Variants in WDR1 observed in about 807,000 individuals in gnomAD.
The protein encoded by WDR1 is WD repeat-containing protein 1.
Under a neutral mutation model 71.9 loss-of-function variants are expected in WDR1, and 21 were observed. The observed-to-expected ratio is 0.29, with a 90% CI of 0.21 to 0.42. WDR1 has a LOEUF of 0.42. Among genes scored for constraint, WDR1 ranks in the 10% least tolerant of loss-of-function variants. WDR1 has a pLI of 1.00. For synonymous variants in WDR1, 424 were observed against 347.4 expected, an observed-to-expected ratio of 1.22 and a Z score of -2.45; for missense variants, 696 against 824.5, an observed-to-expected ratio of 0.84 and a Z score of 1.91.
At chr4:10,113,246 C>T (rs145728227) in intron 2 of WDR1, among the ~76,000 whole-genome samples, 2,481 of 152,194 alleles carry the variant, frequency 0.016, 39 homozygotes, top group Non-Finnish European at 0.026. Context: ...CTGTAGTCCC[C>T]ACTACTCGGG....
At chr4:10,082,074 G>A (rs755264396) in intron 10 of WDR1, among the ~76,000 whole-genome samples, 2 of 152,190 alleles carry the variant, frequency 1.3e-5, no homozygotes, top group African/African-American at 2.4e-5. Flanking sequence ...TCTGGCCCAG[G>A]GAAGACCCTT....
At chr4:10,100,602 A>T (rs758104843) in intron 3 of WDR1, among the ~76,000 whole-genome samples, 10 of 152,182 alleles carry the variant, frequency 6.6e-5, no homozygotes, top group Non-Finnish European at 1.2e-4. Context: ...GACAGGCAAG[A>T]GGTGATGCCA....
chr4:10,099,169 GGAGGC>G, intron 3 of WDR1, 30 bp from the exon 4 acceptor site: 14 of 1,247,278 alleles, frequency 1.1e-5, no homozygotes, highest in South Asian at 1.3e-5. Flanking sequence ...GGGGAGGGGG[GGAGGC>G]GGTGGTGGGG....
intron 12 of WDR1, among the ~76,000 whole-genome samples, chr4:10,078,141 G>A (rs899153978): frequency 1.1e-4 from 16 of 152,324 alleles, no homozygotes; most frequent in African/African-American, 1.9e-4. Flanking sequence ...TCGGGGCACC[G>A]CTGGTCTCAT....
chr4:10,078,605 G>A lies in WDR1; in HGVS notation c.1395+286C>T, dbSNP rs1389950067. 4 of 298,132 alleles carry A rather than the reference G, an allele frequency of 1.3e-5. No individual in the cohort carries two copies. The Admixed American group carries it at 2.1e-4, about 16-fold the overall frequency. 18.5% of individuals were successfully genotyped at this position (298,132 alleles called of 1,614,324 possible). On this transcript the variant is annotated intron_variant, in intron 12 of 14. Transcript: ENST00000499869. ...CTCATGGGGCTGGCTCTGAGGCACA[G>A]CTGTGCCCTCCTCGGCACTCCCTCT...
intron 9 of WDR1, chr4:10,083,766 G>A (rs1200041300): frequency 1.1e-5 from 5 of 445,128 alleles, no homozygotes; most frequent in African/African-American, 6.0e-5. Flanking sequence ...AGACACACCC[G>A]TGAGCAGGGT....
At chr4:10,090,730 G>A (rs575758081) in intron 5 of WDR1, among the ~76,000 whole-genome samples, 5 of 152,298 alleles carry the variant, frequency 3.3e-5, no homozygotes, top group East Asian at 1.9e-4. Flanking sequence ...TCATTGACCC[G>A]TGTTTTAACT....
At chr4:10,084,289 C>A (rs944297516) in intron 9 of WDR1, 154 bp downstream of exon 9, 3 of 651,414 alleles carry the variant, frequency 4.6e-6, no homozygotes, top group African/African-American at 3.6e-5. Context: ...CATGTACAGA[C>A]AGGCCACCCC....
Position 10,074,980 on chromosome 4 carries a change from A to T in WDR1, c.*398T>A. On this transcript the variant is annotated 3_prime_UTR_variant, in exon 15 of 15. Coordinates refer to ENST00000499869, the MANE Select transcript of WDR1 (RefSeq NM_017491.5). ...TCTCACTAGTACAGAAATGTTCTGC[A>T]GGCAGGAACATGAGCCCCCCGGCTC... is the stretch of plus-strand genomic sequence containing the variant. The T allele has an allele frequency of 3.8e-6, 1 of 262,198 alleles. No homozygotes were observed. The highest frequency in any genetic ancestry group is 7.3e-6 in the Non-Finnish European group (1 of 137,454). The allele number at this position is 262,198 out of a possible 1,614,324, so 16.2% of individuals were successfully genotyped here.
chr4:10,083,275 G>A, intron 9 of WDR1, 97 bp from the exon 10 acceptor site: 2 of 1,423,706 alleles, frequency 1.4e-6, no homozygotes, highest in East Asian at 2.5e-5. Flanking sequence ...TCAAGAATGA[G>A]AATCTCGCCG....
At chr4:10,098,085 C>T (rs1447574527) in intron 4 of WDR1, among the ~76,000 whole-genome samples, 194 bp from the exon 5 acceptor site, 1 of 152,056 alleles carries the variant, frequency 6.6e-6, no homozygotes. Flanking sequence ...GTCCAAAGGA[C>T]CCAAGAACAA....
At chr4:10,081,250 A>G (rs1487163342) in intron 11 of WDR1, 107 bp downstream of exon 11, 12 of 1,067,652 alleles carry the variant, frequency 1.1e-5, no homozygotes, top group Non-Finnish European at 7.1e-6. Flanking sequence ...TGAGCACTCA[A>G]CCAAAACACT....
intron 3 of WDR1, 120 bp downstream of exon 3, chr4:10,103,776 T>TCCCCCC: frequency 2.2e-5 from 4 of 180,008 alleles, no homozygotes; most frequent in South Asian, 1.2e-4. Flanking sequence ...CCCAGCCTGC[T>TCCCCCC]CCCCCACCCC....
chr4:10,106,902 C>T (rs1466927973), intron 2 of WDR1, among the ~76,000 whole-genome samples: 2 of 152,156 alleles, frequency 1.3e-5, no homozygotes, highest in Admixed American at 1.3e-4. Context: ...GTCACTCGGC[C>T]TGTGAGGCTC....
At chr4:10,083,658 A>T in intron 9 of WDR1, 1 of 476,970 alleles carries the variant, frequency 2.1e-6, no homozygotes, top group South Asian at 1.5e-5. Flanking sequence ...CACGGTGCTC[A>T]GGGAGGGCAG....
chr4:10,108,176 A>AT (rs1317889164), intron 2 of WDR1: 1 of 152,228 alleles, frequency 6.6e-6, no homozygotes, highest in Admixed American at 6.5e-5. Context: ...AGGCAGCAAC[A>AT]TTTACAATTA....
At chr4:10,115,824 C>T (rs1713683029) in intron 2 of WDR1, 1 of 367,030 alleles carries the variant, frequency 2.7e-6, no homozygotes, top group Non-Finnish European at 5.1e-6. Context: ...CCAGGCCTGA[C>T]CGTGCTTAGC....
At chr4:10,083,502 T>C (rs1765094566) in intron 9 of WDR1, 1 of 497,802 alleles carries the variant, frequency 2.0e-6, no homozygotes, top group Non-Finnish European at 3.9e-6. Context: ...TAACCCCACA[T>C]TTCTTTATGT....
intron 2 of WDR1, among the ~76,000 whole-genome samples, chr4:10,104,995 C>A (rs528804791): frequency 1.4e-4 from 21 of 152,252 alleles, no homozygotes; most frequent in South Asian, 1.0e-3. Context: ...AGACTGAGAC[C>A]ACAGAAGTAC....
Sources: allele counts gnomAD v4.1 joint callset (sites outside exome capture counted in the v4.1 genomes callset), GRCh38; gene constraint gnomAD v4.1.1; transcripts MANE v1.5; gene names NCBI Gene and HGNC (gene_info 2026-07-23, HGNC 2026-07-21).